ASCC3: variants seen among roughly 807,000 people sequenced by gnomAD.
The protein encoded by ASCC3 is ASC-1 complex subunit P200.
A neutral mutation model predicts 256.3 loss-of-function variants in ASCC3; 158 were observed. The ratio of observed to expected loss-of-function variants is 0.62; its 90% CI spans 0.54 to 0.70. The LOEUF is 0.70. ASCC3 is among the 30% of genes least tolerant of loss of function. The pLI is 0.00. For missense variants in ASCC3, 2,259 were observed against 2,626.0 expected (o/e 0.86, Z 3.05); for synonymous variants, 948 against 883.4 (o/e 1.07, Z -1.30).
At position 100,595,807 on chromosome 6, in the gene ASCC3, G is replaced by A. The variant is rs557070167; in HGVS notation, c.5304-5748C>T. Among the ~76,000 whole-genome samples, 8 of 152,216 alleles carry A rather than the reference G, an allele frequency of 5.3e-5. No homozygotes were observed. In the East Asian group the frequency reaches 1.2e-3, roughly 22 times the overall value. On this transcript the variant is annotated intron_variant, in intron 34 of 41. Coordinates refer to ENST00000369162, the MANE Select transcript of ASCC3 (RefSeq NM_006828.4). ...CTAAATGAGTTAAGCTCCTGAAACA[G>A]CATTTCAAATATAGTAGACACCCAA...
intron 30 of ASCC3, among the ~76,000 whole-genome samples, chr6:100,609,702 G>C (rs963672243): frequency 6.6e-6 from 1 of 152,128 alleles, no homozygotes; most frequent in Non-Finnish European, 1.5e-5. Flanking sequence ...TTTGAGGTCA[G>C]GAAATCGAGA....
chr6:100,581,481 T>C (rs1313460230), intron 36 of ASCC3, among the ~76,000 whole-genome samples: 1 of 152,208 alleles, frequency 6.6e-6, no homozygotes, highest in South Asian at 2.1e-4. Flanking sequence ...TTCTGGATAT[T>C]AGCCTTTTGT....
chr6:100,541,859 A>C (rs1005489422), intron 36 of ASCC3, among the ~76,000 whole-genome samples: 1 of 152,240 alleles, frequency 6.6e-6, no homozygotes, highest in African/African-American at 2.4e-5. Flanking sequence ...TTAAAAAGTT[A>C]CTGACAACTA....
chr6:100,647,379 G>A lies in ASCC3; in HGVS notation c.3325C>T (p.Leu1109Phe). ...TCAATGACTTTACTAAGATTCAGGAGCCTGTAGGTCATGGTAGGCCAACGT... is the reference window on the plus strand; with the variant it reads ...TCAATGACTTTACTAAGATTCAGGAACCTGTAGGTCATGGTAGGCCAACGT... ...RKRWPTMTYRLLNLSKVIDKR... is the reference protein window; with the variant it reads ...RKRWPTMTYRFLNLSKVIDKR... Residue 1109 changes from leucine to phenylalanine, a missense_variant, in exon 21 of 42, where the codon CTC (leucine) becomes TTC (phenylalanine). Leu to Phe is a conservative substitution (Grantham distance 22). This residue lies in a region of ASCC3 where 1,839 missense variants were observed against 2,206.7 expected (regional missense o/e 0.83). Coordinates refer to ENST00000369162, the MANE Select transcript of ASCC3 (RefSeq NM_006828.4). 6.2e-7 allele frequency: 1 copy of A among 1,614,002 alleles called. No homozygotes were observed. The highest frequency in any genetic ancestry group is 1.3e-5 in the African/African-American group (1 of 75,020).
chr6:100,747,552 C>A (rs1266977841), intron 10 of ASCC3, among the ~76,000 whole-genome samples: 1 of 151,818 alleles, frequency 6.6e-6, no homozygotes, highest in Non-Finnish European at 1.5e-5. Context: ...CTTAGCAGTA[C>A]CAAAAAAATG....
chr6:100,831,647 T>G (rs1007202134), intron 4 of ASCC3, among the ~76,000 whole-genome samples: 21 of 151,978 alleles, frequency 1.4e-4, no homozygotes, highest in Admixed American at 3.9e-4. Context: ...ACTATAGAAA[T>G]TTAGGGCATG....
At chr6:100,604,485 T>C (rs574715673) in intron 33 of ASCC3, among the ~76,000 whole-genome samples, 78 of 152,172 alleles carry the variant, frequency 5.1e-4, no homozygotes, top group African/African-American at 1.9e-3. Context: ...AGATAGAGTT[T>C]CACCCTGTTG....
rs76269099 is a variant in ASCC3, at chr6:100,715,960, G to A, written c.2080-427C>T. Among the ~76,000 whole-genome samples the A allele has an allele frequency of 7.3e-3, 1,105 of 151,694 alleles. 11 individuals carry two copies. The highest frequency in any genetic ancestry group is 0.025 in the African/African-American group (1,026 of 41,418). ...ATTCTAAATGTTGCGAGAACACTAC[G>A]GATCAAGTGTCAAATGGCACACAGA... On this transcript the variant is annotated intron_variant, in intron 12 of 41. Coordinates refer to ENST00000369162, the MANE Select transcript of ASCC3 (RefSeq NM_006828.4).
At chr6:100,786,473 T>C (rs1272962000) in intron 8 of ASCC3, among the ~76,000 whole-genome samples, 1 of 152,178 alleles carries the variant, frequency 6.6e-6, no homozygotes, top group Non-Finnish European at 1.5e-5. Context: ...ATTAAATAAT[T>C]ACCCTTGATT....
At chr6:100,562,404 T>A (rs1770001082) in intron 36 of ASCC3, among the ~76,000 whole-genome samples, 2 of 152,090 alleles carry the variant, frequency 1.3e-5, no homozygotes. Context: ...CTTCTCATAG[T>A]GGGAAGACTA....
At chr6:100,599,532 T>C (rs1426652120) in intron 34 of ASCC3, among the ~76,000 whole-genome samples, 2 of 152,132 alleles carry the variant, frequency 1.3e-5, no homozygotes, top group Admixed American at 1.3e-4. Context: ...TAGTATTGTA[T>C]AAATGTTAAT....
Position 100,642,708 on chromosome 6 carries a change from A to G in ASCC3, c.3774T>C (p.Pro1258=). The G allele has an allele frequency of 6.2e-7, 1 of 1,613,904 alleles. No individual in the cohort carries two copies. The highest frequency in any genetic ancestry group is 1.7e-4 in the Middle Eastern group (1 of 6,058). ...KEAQLLVFTI[P]IFEPLPSQYY... ...ATTGGGAAGGCAAAGGCTCAAAAAT[A>G]GGGATTGTAAATACCAGTAGTTGGG... The change falls in exon 24 of 42, where the codon CCT becomes CCC. Residue 1258 remains proline, a synonymous_variant. Transcript: ENST00000369162.
At chr6:100,730,291 C>T (rs1214752589) in intron 10 of ASCC3, among the ~76,000 whole-genome samples, 1 of 87,976 alleles carries the variant, frequency 1.1e-5, no homozygotes, top group East Asian at 3.0e-4. Context: ...GGCAAGACTC[C>T]ATCTCTGAAA....
At chr6:100,820,548 G>A (rs1023243548) in intron 4 of ASCC3, among the ~76,000 whole-genome samples, 1 of 151,906 alleles carries the variant, frequency 6.6e-6, no homozygotes, top group East Asian at 1.9e-4. Flanking sequence ...GAAAACATAG[G>A]AATAAATCTT....
chr6:100,559,740 G>A (rs999778861), intron 36 of ASCC3, among the ~76,000 whole-genome samples: 30 of 151,834 alleles, frequency 2.0e-4, no homozygotes, highest in African/African-American at 7.3e-4. Flanking sequence ...CAAATACTTG[G>A]GAGGCTGAGG....
In ASCC3 at chr6:100,540,366, A is replaced by C. The variant is rs1390934666; in HGVS notation, c.5572T>G (p.Leu1858Val). ...TGATCTTCATTGTGTCTCACTGGCA[A>C]ATCTGTATATTCTTCTGCATCCTGA... ...ILSDAEEYTD[L>V]PVRHNEDHMN... The change falls in exon 37 of 42, where the codon TTG becomes GTG. Residue 1858 changes from leucine (L) to valine (V), a missense_variant. Physicochemically the swap from Leu to Val is conservative, Grantham distance 32. This residue lies in a region of ASCC3 where 1,839 missense variants were observed against 2,206.7 expected (regional missense o/e 0.83). Transcript: ENST00000369162. The C allele has an allele frequency of 3.1e-6, 5 of 1,613,728 alleles. No homozygotes were observed. Among genetic ancestry groups the C allele is most frequent in the Non-Finnish European group, 4.2e-6 (5 of 1,179,850 alleles).
chr6:100,576,583 T>A (rs994844256), intron 36 of ASCC3, among the ~76,000 whole-genome samples: 4 of 152,052 alleles, frequency 2.6e-5, no homozygotes, highest in Non-Finnish European at 4.4e-5. Context: ...ATTTCGTTAT[T>A]TATATATTAA....
chr6:100,693,647 T>C (rs966987880), intron 13 of ASCC3, among the ~76,000 whole-genome samples: 1 of 152,124 alleles, frequency 6.6e-6, no homozygotes, highest in African/African-American at 2.4e-5. Context: ...GTCCAATGCA[T>C]ACATGACAAA....
chr6:100,581,415 C>A (rs1487336254), intron 36 of ASCC3, among the ~76,000 whole-genome samples: 2 of 152,012 alleles, frequency 1.3e-5, no homozygotes, highest in African/African-American at 4.8e-5. Context: ...CCTTCACCCA[C>A]TTTTTGATGG....
Sources: allele counts gnomAD v4.1 joint callset (sites outside exome capture counted in the v4.1 genomes callset), GRCh38; gene constraint gnomAD v4.1.1; regional missense constraint gnomAD v4.1.1; transcripts MANE v1.5; gene names NCBI Gene and HGNC (gene_info 2026-07-23, HGNC 2026-07-21).